Variants in FHIT observed in about 807,000 individuals in gnomAD.
FHIT encodes the protein fragile histidine triad diadenosine triphosphatase.
FHIT carries 19 observed loss-of-function variants against 17.9 expected under a neutral mutation model. That is an observed-to-expected ratio of 1.06 (90% CI 0.74 to 1.56). The LOEUF is 1.56. Ranked by LOEUF, FHIT falls within the 40% of genes most tolerant of loss-of-function variation. The pLI, the probability that FHIT is intolerant of heterozygous loss-of-function variation, is 0.00. For synonymous variants in FHIT, 81 were observed against 69.7 expected, an observed-to-expected ratio of 1.16 and a Z score of -0.81; for missense variants, 248 against 189.2, an observed-to-expected ratio of 1.31 and a Z score of -1.82.
intron 5 of FHIT, among the ~76,000 whole-genome samples, chr3:60,451,818 T>C (rs896749118): frequency 7.9e-5 from 12 of 152,076 alleles, no homozygotes; most frequent in African/African-American, 2.7e-4. Context: ...AGAAGGTTTC[T>C]AGCAATATGG....
At chr3:60,013,694 G>C (rs537206309) in intron 6 of FHIT, among the ~76,000 whole-genome samples, 15 of 152,222 alleles carry the variant, frequency 9.9e-5, no homozygotes, top group African/African-American at 3.6e-4. Flanking sequence ...TAGTTACCAT[G>C]GAATGAAAAT....
intron 1 of FHIT, among the ~76,000 whole-genome samples, chr3:61,247,174 T>C (rs2040507446): frequency 6.6e-6 from 1 of 152,166 alleles, no homozygotes; most frequent in Admixed American, 6.5e-5. Flanking sequence ...AATAAAAATA[T>C]GTTTAGGATA....
intron 5 of FHIT, among the ~76,000 whole-genome samples, chr3:60,268,053 A>G (rs1350070601): frequency 6.6e-6 from 1 of 152,180 alleles, no homozygotes; most frequent in East Asian, 1.9e-4. Context: ...ATAACCTTCA[A>G]ATTTAAATGC....
chr3:60,077,491 T>C (rs183185558), intron 5 of FHIT: 3 of 151,720 alleles, frequency 2.0e-5, no homozygotes, highest in Admixed American at 6.6e-5. Flanking sequence ...CAAGATGAGA[T>C]TAGAATATCC....
intron 3 of FHIT, among the ~76,000 whole-genome samples, chr3:61,024,128 C>T (rs1255893486): frequency 6.6e-6 from 1 of 151,952 alleles, no homozygotes; most frequent in Non-Finnish European, 1.5e-5. Context: ...GCTTCTGCTA[C>T]TCATGAGAGT....
intron 2 of FHIT, among the ~76,000 whole-genome samples, chr3:61,098,786 T>C (rs1049422087): frequency 1.3e-5 from 2 of 152,234 alleles, no homozygotes; most frequent in African/African-American, 4.8e-5. Flanking sequence ...TTTGTGATTT[T>C]TGCACATGGA....
chr3:60,157,197 T>A (rs376549372), intron 5 of FHIT, among the ~76,000 whole-genome samples: 50 of 152,244 alleles, frequency 3.3e-4, no homozygotes, highest in African/African-American at 1.2e-3. Flanking sequence ...GCTAGAGTAA[T>A]GGATTGAAAA....
At chr3:60,456,803 T>C (rs1364777680) in intron 5 of FHIT, among the ~76,000 whole-genome samples, 1 of 152,040 alleles carries the variant, frequency 6.6e-6, no homozygotes, top group Non-Finnish European at 1.5e-5. Flanking sequence ...ATCAAGACTA[T>C]ATGGATCAGG....
At chr3:60,316,299 T>G (rs1040615826) in intron 5 of FHIT, among the ~76,000 whole-genome samples, 1 of 152,200 alleles carries the variant, frequency 6.6e-6, no homozygotes, top group East Asian at 1.9e-4. Flanking sequence ...AGCATGATTT[T>G]TATAGATCTG....
intron 2 of FHIT, among the ~76,000 whole-genome samples, chr3:61,156,444 G>A (rs564608605): frequency 2.6e-5 from 4 of 151,962 alleles, no homozygotes; most frequent in Non-Finnish European, 2.9e-5. Flanking sequence ...AACATTTATC[G>A]AAACGGTCCC....
At chr3:60,065,361 CACTT>C (rs1247136062) in intron 5 of FHIT, among the ~76,000 whole-genome samples, 1 of 152,012 alleles carries the variant, frequency 6.6e-6, no homozygotes, top group East Asian at 1.9e-4. Flanking sequence ...GCTTAACCTG[CACTT>C]ACTTCTTTCA....
At chr3:60,330,224 G>C (rs941664987) in intron 5 of FHIT, among the ~76,000 whole-genome samples, 5 of 152,156 alleles carry the variant, frequency 3.3e-5, no homozygotes, top group African/African-American at 1.2e-4. Context: ...CAGACAATTG[G>C]TTCCTGGAGG....
At chr3:60,968,221 G>A (rs1419938159) in intron 3 of FHIT, among the ~76,000 whole-genome samples, 5 of 152,164 alleles carry the variant, frequency 3.3e-5, no homozygotes, top group African/African-American at 9.7e-5. Flanking sequence ...ATGTAGTAAT[G>A]AGGTTATCCA....
At chr3:60,874,542 T>C (rs1575628155) in intron 3 of FHIT, among the ~76,000 whole-genome samples, 1 of 152,300 alleles carries the variant, frequency 6.6e-6, no homozygotes, top group South Asian at 2.1e-4. Context: ...CTTACCTTTA[T>C]CTACTTTCTA....
chr3:60,368,484 C>G (rs944642372), intron 5 of FHIT, among the ~76,000 whole-genome samples: 1 of 151,758 alleles, frequency 6.6e-6, no homozygotes, highest in Non-Finnish European at 1.5e-5. Flanking sequence ...AATATTTCAC[C>G]TTTTATGTTG....
At chr3:59,765,970 A>G (rs1009256321) in intron 8 of FHIT, among the ~76,000 whole-genome samples, 2 of 152,210 alleles carry the variant, frequency 1.3e-5, no homozygotes, top group African/African-American at 4.8e-5. Flanking sequence ...AAAATTCCCT[A>G]AAGACAATAA....
At chr3:61,018,740 T>C (rs2032249085) in intron 3 of FHIT, among the ~76,000 whole-genome samples, 1 of 152,226 alleles carries the variant, frequency 6.6e-6, no homozygotes, top group South Asian at 2.1e-4. Context: ...AATCACAGCA[T>C]TTCTAATTTA....
At chr3:60,864,218 G>C (rs1704055158) in intron 3 of FHIT, among the ~76,000 whole-genome samples, 1 of 151,556 alleles carries the variant, frequency 6.6e-6, no homozygotes, top group African/African-American at 2.4e-5. Flanking sequence ...TGGGGATTAT[G>C]GTAGGTACAA....
At chr3:60,165,080 A>G (rs76310430) in intron 5 of FHIT, among the ~76,000 whole-genome samples, 1 of 152,304 alleles carries the variant, frequency 6.6e-6, no homozygotes, top group African/African-American at 2.4e-5. Context: ...AATAACCTGA[A>G]TGAGTCCAGT....
Sources: gnomAD v4.1 joint callset for allele counts (sites outside exome capture counted in the v4.1 genomes callset) on GRCh38, gnomAD v4.1.1 for gene constraint, MANE v1.5 for transcripts, NCBI Gene and HGNC (gene_info 2026-07-23, HGNC 2026-07-21) for gene names.